The following UBR3 variants were observed in gnomAD, a reference collection of about 807,000 sequenced individuals.
The protein encoded by UBR3 is ubiquitin protein ligase E3 component n-recognin 3, also known as E3 ubiquitin-protein ligase UBR3.
In UBR3, 85 loss-of-function variants were observed where a neutral mutation model predicts 243.2. The ratio of observed to expected loss-of-function variants is 0.35; its 90% CI spans 0.29 to 0.42. The LOEUF (loss-of-function observed/expected upper bound fraction) is 0.42, where lower values mean the gene tolerates loss of function less well. UBR3 is among the 10% of genes least tolerant of loss of function. UBR3 has a pLI of 1.00. For missense variants in UBR3, 1,686 were observed against 2,300.8 expected (o/e 0.73, Z 5.47); for synonymous variants, 748 against 799.8 (o/e 0.94, Z 1.09).
intron 19 of UBR3, among the ~76,000 whole-genome samples, chr2:169,933,241 A>G (rs2086205281): frequency 6.6e-6 from 1 of 152,228 alleles, no homozygotes; most frequent in Non-Finnish European, 1.5e-5. Flanking sequence ...ATTAAAAAAC[A>G]GAAACTTATT....
At chr2:169,835,854 G>A (rs1001821718) in intron 1 of UBR3, among the ~76,000 whole-genome samples, 10 of 151,804 alleles carry the variant, frequency 6.6e-5, no homozygotes, top group Admixed American at 1.3e-4. Context: ...TTACCATTGA[G>A]ATGAATAGAT....
chr2:169,936,696 G>A (rs906049374), intron 19 of UBR3, among the ~76,000 whole-genome samples: 13 of 151,190 alleles, frequency 8.6e-5, no homozygotes, highest in South Asian at 2.1e-4. Flanking sequence ...AACAGGGCCC[G>A]GTGTGTGATG....
At chr2:170,073,332 T>G (rs1198814663) in intron 35 of UBR3, 96 bp from the exon 36 acceptor site, 1 of 1,418,278 alleles carries the variant, frequency 7.1e-7, no homozygotes, top group African/African-American at 1.4e-5. Context: ...GAAAGTTTTC[T>G]TATTGTCTCA....
At chr2:169,904,986 G>A in intron 8 of UBR3, 128 bp from the exon 9 acceptor site, 2 of 618,886 alleles carry the variant, frequency 3.2e-6, no homozygotes, top group Non-Finnish European at 4.8e-6. Flanking sequence ...AGCCATATAG[G>A]TATTAAATGG....
rs145822407 is a variant in UBR3, at chr2:170,008,728, A to G, written c.4231-76A>G. 369 of 734,948 alleles carry G rather than the reference A, an allele frequency of 5.0e-4. 4 individuals are homozygous for G. The African/African-American group carries it at 5.7e-3, about 11-fold the overall frequency. The allele number at this position is 734,948 out of a possible 1,614,324, so 45.5% of individuals were successfully genotyped here. On this transcript the variant is annotated intron_variant, in intron 28 of 38. Transcript: ENST00000272793. ...TTTAATTTCCTACTATGTTCATATA[A>G]TAAACATTCTAGTTTCAGACCATTA...
At chr2:169,905,991 T>G in intron 9 of UBR3, 40 bp from the exon 10 acceptor site, 1 of 1,539,862 alleles carries the variant, frequency 6.5e-7, no homozygotes, top group Non-Finnish European at 8.8e-7. Flanking sequence ...AATGTGTGCT[T>G]CCACTTGACA....
rs114595077 is a variant in UBR3 at position 169,968,449 on chromosome 2, T to C, written c.3634+9923T>C. Among the ~76,000 whole-genome samples, 346 of 152,322 alleles carry C rather than the reference T, an allele frequency of 2.3e-3. 1 individual carries two copies. The highest frequency in any genetic ancestry group is 7.4e-3 in the African/African-American group (307 of 41,570). On this transcript the variant is annotated intron_variant, in intron 24 of 38. Transcript: ENST00000272793. Reference sequence around the variant, plus strand: ...CACATACGAGTAAGAAAAAGTGATATTTGTCTTTCTGTGCCTCGCTTGTTT... The same window carrying C: ...CACATACGAGTAAGAAAAAGTGATACTTGTCTTTCTGTGCCTCGCTTGTTT...
At chr2:169,864,729 C>T (rs1253112644) in intron 1 of UBR3, among the ~76,000 whole-genome samples, 1 of 151,836 alleles carries the variant, frequency 6.6e-6, no homozygotes, top group African/African-American at 2.4e-5. Flanking sequence ...CAGTGAAACC[C>T]CGTCTCTACT....
chr2:170,048,395 A>G (rs892402362), intron 32 of UBR3, among the ~76,000 whole-genome samples: 1 of 152,164 alleles, frequency 6.6e-6, no homozygotes, highest in Non-Finnish European at 1.5e-5. Flanking sequence ...TGTTGCCACC[A>G]TTTTTTGAAC....
chr2:169,891,082 T>C (rs1026622690), intron 5 of UBR3, 83 bp from the exon 6 acceptor site: 6 of 1,025,366 alleles, frequency 5.9e-6, no homozygotes, highest in Non-Finnish European at 7.3e-6. Flanking sequence ...TATTATGTGT[T>C]TAATGTAATT....
intron 35 of UBR3, among the ~76,000 whole-genome samples, chr2:170,069,275 T>A (rs1358376675): frequency 6.6e-6 from 1 of 152,136 alleles, no homozygotes; most frequent in African/African-American, 2.4e-5. Context: ...GTATTTTTCT[T>A]TTAGCTTTAT....
At chr2:169,866,226 C>T (rs1407029845) in intron 1 of UBR3, among the ~76,000 whole-genome samples, 1 of 139,912 alleles carries the variant, frequency 7.1e-6, no homozygotes, top group Admixed American at 7.3e-5. Flanking sequence ...TGATTTTCTC[C>T]AGCCTGGGCA....
At chr2:170,019,038 T>C (rs11682867) in intron 30 of UBR3, among the ~76,000 whole-genome samples, 14,707 of 152,242 alleles carry the variant, frequency 0.097, 1,060 homozygotes, top group Admixed American at 0.18. Context: ...CATTTGTAGG[T>C]AAACGTCTCT....
At chr2:169,851,631 T>C (rs2082659908) in intron 1 of UBR3, among the ~76,000 whole-genome samples, 3 of 151,900 alleles carry the variant, frequency 2.0e-5, no homozygotes, top group African/African-American at 7.3e-5. Context: ...TTTGGGAGGC[T>C]GAGGGGAGCG....
At chr2:169,899,546 A>G (rs944809295) in intron 8 of UBR3, among the ~76,000 whole-genome samples, 2 of 152,060 alleles carry the variant, frequency 1.3e-5, no homozygotes, top group Non-Finnish European at 1.5e-5. Flanking sequence ...TCTGGGGTAC[A>G]TGTACAGAAT....
intron 2 of UBR3, among the ~76,000 whole-genome samples, chr2:169,873,352 T>C (rs1328297837): frequency 6.6e-6 from 1 of 152,168 alleles, no homozygotes; most frequent in African/African-American, 2.4e-5. Flanking sequence ...TAAGTACTTC[T>C]ACTTAACAGA....
chr2:169,888,231 C>T (rs1342716860), intron 5 of UBR3, among the ~76,000 whole-genome samples: 2 of 151,704 alleles, frequency 1.3e-5, no homozygotes, highest in Admixed American at 6.6e-5. Flanking sequence ...CTCCGCCTCC[C>T]GGGTTCAAGC....
At chr2:170,070,548 G>A (rs966526224) in intron 35 of UBR3, among the ~76,000 whole-genome samples, 13 of 152,002 alleles carry the variant, frequency 8.6e-5, no homozygotes, top group Non-Finnish European at 1.6e-4. Flanking sequence ...AAAACAGTTC[G>A]TTTGCAAATA....
At chr2:169,983,433 G>T (rs1263186023) in intron 24 of UBR3, among the ~76,000 whole-genome samples, 1 of 151,718 alleles carries the variant, frequency 6.6e-6, no homozygotes, top group Non-Finnish European at 1.5e-5. Context: ...GCCAATTTTT[G>T]TATTTTTAGT....
Sources: allele counts gnomAD v4.1 joint callset (sites outside exome capture counted in the v4.1 genomes callset), GRCh38; gene constraint gnomAD v4.1.1; transcripts MANE v1.5; gene names NCBI Gene and HGNC (gene_info 2026-07-23, HGNC 2026-07-21).